The following SNX1 variants were observed in gnomAD, a reference collection of about 807,000 sequenced individuals.
The protein encoded by SNX1 is sorting nexin 1, also known as sorting nexin-1.
Under a neutral mutation model 71.8 loss-of-function variants are expected in SNX1, and 36 were observed. That is an observed-to-expected ratio of 0.50 (90% CI 0.38 to 0.66). The LOEUF is 0.66. Among genes scored for constraint, SNX1 ranks in the 30% least tolerant of loss-of-function variants. The pLI is 0.00. For missense variants in SNX1, 612 were observed against 646.7 expected (o/e 0.95, Z 0.58); for synonymous variants, 254 against 240.7 (o/e 1.06, Z -0.51).
chr15:64,135,858 G>A (rs1311265887), intron 12 of SNX1, among the ~76,000 whole-genome samples: 3 of 152,082 alleles, frequency 2.0e-5, no homozygotes, highest in East Asian at 1.9e-4. Flanking sequence ...AGAGGCAGAG[G>A]TTGCAGTGAG....
Position 64,140,062 on chromosome 15 carries a change from T to C in SNX1, c.*2444T>C, listed in dbSNP as rs1254145315. 3.3e-5 allele frequency: 5 copies of C among 152,410 alleles called. No individual in the cohort carries two copies. In the East Asian group the frequency reaches 5.8e-4, roughly 18 times the overall value. 9.4% of individuals were successfully genotyped at this position (152,410 alleles called of 1,614,324 possible). On this transcript the variant is annotated 3_prime_UTR_variant, in exon 15 of 15. Transcript: ENST00000559844. ...GGTTGGTGTCTGCCAGATTTCATTT[T>C]AAATTTACGATTTCCTCTTTGTAAT... is the stretch of plus-strand genomic sequence containing the variant.
chr15:64,099,745 C>T (rs2080938858), intron 1 of SNX1, among the ~76,000 whole-genome samples: 1 of 152,224 alleles, frequency 6.6e-6, no homozygotes, highest in African/African-American at 2.4e-5. Flanking sequence ...TAGTCTCACT[C>T]TTTTTGTTCA....
intron 5 of SNX1, among the ~76,000 whole-genome samples, chr15:64,125,110 A>C (rs1448304770): frequency 6.6e-6 from 1 of 152,138 alleles, no homozygotes; most frequent in Non-Finnish European, 1.5e-5. Flanking sequence ...CCCTTCTTAG[A>C]AGCACTTTTT....
rs2081360372 is a variant in SNX1, at chr15:64,136,387, C to T, written c.1423C>T (p.Arg475Ter). 5 of 1,613,758 alleles carry T rather than the reference C, an allele frequency of 3.1e-6. No homozygotes were observed. Among genetic ancestry groups the T allele is most frequent in the African/African-American group, 1.3e-5 (1 of 74,858 alleles). Residue 475 changes from arginine (R) to a stop codon, truncating the protein, a stop_gained, in exon 13 of 15, where the codon CGA becomes TGA. Transcript: ENST00000559844. LOFTEE classifies it high-confidence loss of function. The stretch of plus-strand genomic sequence containing the variant: ...CTTCGAGAGGATTTCAACAGTGGTC[C>T]GAAAAGAAGTGATACGGTTTGAGGT... Reference protein sequence around the residue: ...RDFERISTVVRKEVIRFEKEK... With the variant: ...RDFERISTVV
intron 14 of SNX1, 40 bp downstream of exon 14, chr15:64,136,972 C>A (rs376493847): frequency 1.3e-6 from 2 of 1,534,644 alleles, no homozygotes; most frequent in African/African-American, 2.7e-5. Flanking sequence ...CTACTGCCTG[C>A]TCCAAAGGCC....
At position 64,108,942 on chromosome 15, in the gene SNX1, C is replaced by T. The variant is rs536229472; in HGVS notation, c.160-3631C>T. 7.3e-5 allele frequency among the ~76,000 whole-genome samples: 11 copies of T among 150,752 alleles called. No homozygotes were observed. The South Asian group carries it at 2.1e-3, about 29-fold the overall frequency. ...GGTAGAGGTTGCAGTGAGCCGAGAT[C>T]GCGCCATTGCATTCCAGGCTAGGTG... is the stretch of plus-strand genomic sequence containing the variant. On this transcript the variant is annotated intron_variant, in intron 1 of 14. Transcript: ENST00000559844.
rs780975527 is a variant in SNX1, at chr15:64,130,224, T to C, written c.922-4T>C. On this transcript the variant is annotated splice_polypyrimidine_tract_variant and splice_region_variant and intron_variant, in intron 9 of 14. Transcript: ENST00000559844. Reference sequence around the variant, plus strand: ...CATTAAAGTTCTGGGCTTTTGTGTTTCAGTGGTTTGAGGAGAAGCTCCAGG... The same window carrying C: ...CATTAAAGTTCTGGGCTTTTGTGTTCCAGTGGTTTGAGGAGAAGCTCCAGG... The C allele has an allele frequency of 6.8e-6, 11 of 1,613,736 alleles. No individual in the cohort carries two copies. Among genetic ancestry groups the C allele is most frequent in the Non-Finnish European group, 9.3e-6 (11 of 1,179,644 alleles).
In SNX1 at chr15:64,142,564, C is replaced by G. The variant is rs551855739; in HGVS notation, c.*4946C>G. The G allele has an allele frequency of 8.9e-5, 40 of 451,696 alleles. No individual in the cohort carries two copies. Among genetic ancestry groups the G allele is most frequent in the Non-Finnish European group, 1.3e-4 (29 of 224,314 alleles). 28.0% of individuals were successfully genotyped at this position (451,696 alleles called of 1,614,324 possible). A position where few individuals can be genotyped will look rare whatever the true frequency, so the allele number is the denominator to read the frequency against. Reference sequence around the variant, plus strand: ...CACTGCTGAGGCCACAGGAAAGAATCTGTAGGTGGAGGGGAGGCCGAAGAG... The same window carrying G: ...CACTGCTGAGGCCACAGGAAAGAATGTGTAGGTGGAGGGGAGGCCGAAGAG... On this transcript the variant is annotated 3_prime_UTR_variant, in exon 15 of 15. Transcript: ENST00000559844.
At chr15:64,106,289 A>T (rs1567317967) in intron 1 of SNX1, among the ~76,000 whole-genome samples, 2 of 152,190 alleles carry the variant, frequency 1.3e-5, no homozygotes, top group African/African-American at 2.4e-5. Context: ...GTATGTGGCT[A>T]ATGGACCCCA....
intron 2 of SNX1, among the ~76,000 whole-genome samples, chr15:64,116,986 G>A (rs2081136033): frequency 6.6e-6 from 1 of 152,036 alleles, no homozygotes; most frequent in Non-Finnish European, 1.5e-5. Flanking sequence ...TTCACAAATT[G>A]GATAGCATAT....
intron 10 of SNX1, among the ~76,000 whole-genome samples, chr15:64,130,824 A>G (rs2081298890): frequency 6.6e-6 from 1 of 152,258 alleles, no homozygotes; most frequent in Non-Finnish European, 1.5e-5. Context: ...CCATAGCATG[A>G]GGCCAGGGTA....
chr15:64,114,617 A>G (rs2081110565), intron 2 of SNX1, among the ~76,000 whole-genome samples: 1 of 152,224 alleles, frequency 6.6e-6, no homozygotes, highest in Admixed American at 6.5e-5. Flanking sequence ...TGAAACTTCC[A>G]TGTGAACGAG....
intron 1 of SNX1, among the ~76,000 whole-genome samples, chr15:64,100,626 AG>A (rs1567315006): frequency 1.2e-3 from 169 of 142,878 alleles, no homozygotes; most frequent in Non-Finnish European, 2.0e-3. Context: ...AAAAAAAAAA[AG>A]AGACTCAAAA....
intron 2 of SNX1, chr15:64,115,498 T>G (rs2081119600): frequency 7.7e-6 from 3 of 388,476 alleles, no homozygotes. Context: ...AAAGCATGTT[T>G]TAATATAAGT....
intron 11 of SNX1, among the ~76,000 whole-genome samples, chr15:64,133,299 C>A (rs764960969): frequency 6.6e-6 from 1 of 152,214 alleles, no homozygotes; most frequent in African/African-American, 2.4e-5. Flanking sequence ...TTGCCCTTTA[C>A]CTAATCTTTT....
chr15:64,137,604 A>C lies in SNX1; in HGVS notation c.1555A>C (p.Lys519Gln). The change falls in exon 15 of 15, where the codon AAG (lysine) becomes CAG (glutamine). Residue 519 changes from lysine (K) to glutamine (Q), a missense_variant. By Grantham distance (53) the Lys-to-Gln change is moderately conservative (BLOSUM62 1). Around this residue, in one of 2 missense-constraint regions of SNX1, gnomAD observed 296 missense variants for 361.9 expected, o/e 0.82. Coordinates refer to ENST00000559844, the MANE Select transcript of SNX1 (RefSeq NM_003099.5). ...KYWEAFLPEA[K>Q]AIS ...CTGGGAAGCCTTCCTTCCTGAGGCAAAGGCCATCTCCTAATGGACCAAGGA... is the reference window on the plus strand; with the variant it reads ...CTGGGAAGCCTTCCTTCCTGAGGCACAGGCCATCTCCTAATGGACCAAGGA... 1 of 1,614,182 alleles carries C rather than the reference A, an allele frequency of 6.2e-7. No individual in the cohort carries two copies. The highest frequency in any genetic ancestry group is 8.5e-7 in the Non-Finnish European group (1 of 1,180,004).
chr15:64,096,248 G>T lies in SNX1; in HGVS notation c.159+76G>T, dbSNP rs949821768. On this transcript the variant is annotated intron_variant, in intron 1 of 14. Transcript: ENST00000559844. ...AGAGAGGCTAAGCGAGAATCGGGGAGGTTGGGCAGAGTGGGCCCGGTGAGA... is the reference window on the plus strand; with the variant it reads ...AGAGAGGCTAAGCGAGAATCGGGGATGTTGGGCAGAGTGGGCCCGGTGAGA... 5 of 1,502,692 alleles carry T rather than the reference G, an allele frequency of 3.3e-6. No homozygotes were observed. The African/African-American group carries it at 5.6e-5, about 17-fold the overall frequency. The allele number at this position is 1,502,692 out of a possible 1,614,324, so 93.1% of individuals were successfully genotyped here.
chr15:64,116,881 C>T (rs2081134785), intron 2 of SNX1, among the ~76,000 whole-genome samples: 1 of 152,168 alleles, frequency 6.6e-6, no homozygotes, highest in Non-Finnish European at 1.5e-5. Context: ...TCGTTCTGTT[C>T]AACTGAGTAC....
chr15:64,136,208 C>A, intron 12 of SNX1, 122 bp from the exon 13 acceptor site: 1 of 761,742 alleles, frequency 1.3e-6, no homozygotes, highest in Non-Finnish European at 2.3e-6. Flanking sequence ...TCATCTTACC[C>A]ACAGGGACAG....
Sources: gnomAD v4.1 joint callset for allele counts (sites outside exome capture counted in the v4.1 genomes callset) on GRCh38, gnomAD v4.1.1 for gene constraint, gnomAD v4.1.1 regional missense constraint, MANE v1.5 for transcripts, NCBI Gene and HGNC (gene_info 2026-07-23, HGNC 2026-07-21) for gene names.